The following DCC variants were observed in gnomAD, a reference collection of about 807,000 sequenced individuals.
DCC encodes the protein netrin receptor DCC.
In DCC, 58 loss-of-function variants were observed where a neutral mutation model predicts 172.5. The ratio of observed to expected loss-of-function variants is 0.34; its 90% CI spans 0.27 to 0.42. The LOEUF is 0.42. Ranked by LOEUF, DCC falls within the 10% of genes least tolerant of loss-of-function variation. The pLI is 1.00. For synonymous variants in DCC, 709 were observed against 644.5 expected (o/e 1.10, Z -1.52); for missense variants, 1,740 against 1,791.0 (o/e 0.97, Z 0.51).
At chr18:53,513,094 C>G (rs141293548) in intron 27 of DCC, among the ~76,000 whole-genome samples, 7,779 of 152,266 alleles carry the variant, frequency 0.051, 675 homozygotes, top group African/African-American at 0.18. Context: ...GGAAGCCCAT[C>G]GGACTAACAG....
chr18:52,736,447 A>G (rs2036731223), intron 1 of DCC, among the ~76,000 whole-genome samples: 1 of 151,970 alleles, frequency 6.6e-6, no homozygotes, highest in African/African-American at 2.4e-5. Flanking sequence ...TATATAAGTG[A>G]CTTTGATAAT....
chr18:52,956,742 A>G (rs533551361), intron 5 of DCC, among the ~76,000 whole-genome samples: 26 of 152,206 alleles, frequency 1.7e-4, no homozygotes, highest in African/African-American at 6.0e-4. Context: ...ATATTTCTCA[A>G]TTTATTTAGT....
At chr18:52,571,144 T>C (rs1364079942) in intron 1 of DCC, among the ~76,000 whole-genome samples, 2 of 152,136 alleles carry the variant, frequency 1.3e-5, no homozygotes, top group African/African-American at 4.8e-5. Flanking sequence ...CACTAGAAAA[T>C]CTGAGGAACA....
chr18:52,616,872 C>A (rs531795321), intron 1 of DCC, among the ~76,000 whole-genome samples: 1 of 152,062 alleles, frequency 6.6e-6, no homozygotes, highest in South Asian at 2.1e-4. Flanking sequence ...AACATGGGAG[C>A]AACAGAATAC....
chr18:52,611,865 T>C (rs1188486144), intron 1 of DCC, among the ~76,000 whole-genome samples: 1 of 152,202 alleles, frequency 6.6e-6, no homozygotes, highest in Non-Finnish European at 1.5e-5. Flanking sequence ...CAGTGTGCTG[T>C]GGGGTAGTAT....
At chr18:53,303,884 T>C (rs1177332269) in intron 12 of DCC, among the ~76,000 whole-genome samples, 1 of 152,018 alleles carries the variant, frequency 6.6e-6, no homozygotes. Context: ...AATTGAAGGA[T>C]GGTAAATGTG....
chr18:52,609,010 C>T (rs1598953037), intron 1 of DCC, among the ~76,000 whole-genome samples: 1 of 152,260 alleles, frequency 6.6e-6, no homozygotes. Context: ...GCATCCAACT[C>T]AGACTGAGAG....
intron 1 of DCC, among the ~76,000 whole-genome samples, chr18:52,492,996 T>C (rs2030581260): frequency 6.6e-6 from 1 of 152,026 alleles, no homozygotes; most frequent in Non-Finnish European, 1.5e-5. Flanking sequence ...GCCTATCCAG[T>C]GGCAATTGCA....
At chr18:52,944,211 G>A (rs2040505825) in intron 5 of DCC, among the ~76,000 whole-genome samples, 1 of 152,226 alleles carries the variant, frequency 6.6e-6, no homozygotes, top group Non-Finnish European at 1.5e-5. Flanking sequence ...CTGGTAATGT[G>A]ATGCTTAAAA....
rs776560707 is a variant in DCC, at chr18:52,836,611, C to T, written c.413-69433C>T. ...TGATCTCCTTTGACTCCATGTCTCA[C>T]GTGCAGGTCTTGCTGATGCAAGAGG... is the stretch of plus-strand genomic sequence containing the variant. On this transcript the variant is annotated intron_variant, in intron 2 of 28. Coordinates refer to ENST00000442544, the MANE Select transcript of DCC (RefSeq NM_005215.4). Among the ~76,000 whole-genome samples, 7 of 152,228 alleles carry T rather than the reference C, an allele frequency of 4.6e-5. No homozygotes were observed. The East Asian group carries it at 5.8e-4, about 13-fold the overall frequency.
intron 1 of DCC, among the ~76,000 whole-genome samples, chr18:52,517,172 G>A (rs1000312998): frequency 6.6e-6 from 1 of 152,218 alleles, no homozygotes; most frequent in Non-Finnish European, 1.5e-5. Flanking sequence ...GAAGCAATCT[G>A]TGTTGTAAAC....
intron 5 of DCC, among the ~76,000 whole-genome samples, chr18:52,958,569 C>A (rs1021402495): frequency 6.6e-6 from 1 of 152,056 alleles, no homozygotes; most frequent in African/African-American, 2.4e-5. Flanking sequence ...TTTCAAAACT[C>A]TAGGAATCAG....
chr18:52,614,548 A>G (rs528858833), intron 1 of DCC, among the ~76,000 whole-genome samples: 7 of 152,302 alleles, frequency 4.6e-5, no homozygotes, highest in African/African-American at 1.4e-4. Context: ...TTTGTCTAAG[A>G]TACGCATTTT....
At chr18:52,711,925 A>C (rs2036298564) in intron 1 of DCC, among the ~76,000 whole-genome samples, 1 of 152,114 alleles carries the variant, frequency 6.6e-6, no homozygotes, top group African/African-American at 2.4e-5. Flanking sequence ...TGCTCTGCTC[A>C]GTGGACTATA....
chr18:52,496,247 AATATTC>A (rs1346217166), intron 1 of DCC, among the ~76,000 whole-genome samples: 3 of 152,134 alleles, frequency 2.0e-5, no homozygotes, highest in Non-Finnish European at 4.4e-5. Context: ...TTTAGCTTAT[AATATTC>A]ATATTCATAT....
At position 52,879,412 on chromosome 18, in the gene DCC, C is replaced by CTTTTTTTTTTTTTTTTTTTT. The variant is rs71175533; in HGVS notation, c.413-26622_413-26603dup. 1.7e-3 allele frequency among the ~76,000 whole-genome samples: 108 copies of CTTTTTTTTTTTTTTTTTTTT among 62,320 alleles called. 29 individuals carry two copies. The highest frequency in any genetic ancestry group is 2.3e-3 in the African/African-American group (33 of 14,496). The allele number at this position is 62,320 out of a possible 152,430, so 40.9% of individuals were successfully genotyped here. A position where few individuals can be genotyped will look rare whatever the true frequency, so the allele number is the denominator to read the frequency against. ...AATTTCTAGCCCATATGTTGTTTGG[C>CTTTTTTTTTTTTTTTTTTTT]TTTTTTTTTTTTTTTTTTTTTTTTT... On this transcript the variant is annotated intron_variant, in intron 2 of 28. Coordinates refer to ENST00000442544, the MANE Select transcript of DCC (RefSeq NM_005215.4).
At chr18:53,505,424 A>G (rs914316775) in intron 27 of DCC, 37 of 151,964 alleles carry the variant, frequency 2.4e-4, no homozygotes, top group Admixed American at 1.8e-3. Context: ...GAGTGTGAGC[A>G]TAGGTCAATG....
Position 52,906,280 on chromosome 18 carries a change from C to A in DCC, c.649C>A (p.Pro217Thr). The A allele has an allele frequency of 6.2e-7, 1 of 1,614,032 alleles. No individual in the cohort carries two copies. The highest frequency in any genetic ancestry group is 8.5e-7 in the Non-Finnish European group (1 of 1,180,026). The change falls in exon 3 of 29, where the codon CCA becomes ACA. Residue 217 changes from proline to threonine, a missense_variant. By Grantham distance (38) the Pro-to-Thr change is conservative. This residue lies in a region of DCC where 1,732 missense variants were observed against 1,767.4 expected (regional missense o/e 0.98). Coordinates refer to ENST00000442544, the MANE Select transcript of DCC (RefSeq NM_005215.4). The part of the protein sequence containing the change: ...IGIYRCSARN[P>T]ASSRTGNEAE... ...AATTTACCGATGCTCAGCTCGAAAT[C>A]CAGCCAGCTCAAGAACAGGAAATGA...
chr18:52,933,761 G>A (rs2040342862), intron 5 of DCC, among the ~76,000 whole-genome samples: 1 of 152,064 alleles, frequency 6.6e-6, no homozygotes. Context: ...GGAGCTACAA[G>A]TGCAGTTTTG....
Sources: allele counts gnomAD v4.1 joint callset (sites outside exome capture counted in the v4.1 genomes callset), GRCh38; gene constraint gnomAD v4.1.1; regional missense constraint gnomAD v4.1.1; transcripts MANE v1.5; gene names NCBI Gene and HGNC (gene_info 2026-07-23, HGNC 2026-07-21).